The following PCDHGB5 variants were observed in gnomAD, a reference collection of about 807,000 sequenced individuals.
PCDHGB5 encodes the protein protocadherin gamma subfamily B, 5.
A neutral mutation model predicts 62.9 loss-of-function variants in PCDHGB5; 48 were observed. That is an observed-to-expected ratio of 0.76 (90% CI 0.61 to 0.97). The LOEUF (loss-of-function observed/expected upper bound fraction) is 0.97, where lower values mean the gene tolerates loss of function less well. PCDHGB5 is among the 50% of genes least tolerant of loss of function. The probability of loss-of-function intolerance (pLI) is 0.00; values close to 1 mark genes in which losing one functional copy is unlikely to be tolerated. For synonymous variants in PCDHGB5, 474 were observed against 511.2 expected, an observed-to-expected ratio of 0.93 and a Z score of 0.98; for missense variants, 1,118 against 1,198.6, an observed-to-expected ratio of 0.93 and a Z score of 0.99.
intron 2 of PCDHGB5, among the ~76,000 whole-genome samples, chr5:141,501,236 G>T (rs571684337): frequency 5.5e-4 from 83 of 150,782 alleles, no homozygotes; most frequent in African/African-American, 2.0e-3. Context: ...TCAGTTTTTT[G>T]AGCATGATGT....
chr5:141,437,388 C>T (rs1434464979), intron 1 of PCDHGB5, among the ~76,000 whole-genome samples: 1 of 152,186 alleles, frequency 6.6e-6, no homozygotes, highest in Non-Finnish European at 1.5e-5. Context: ...AGACATTCAT[C>T]CACTGCTTTC....
In PCDHGB5 at chr5:141,426,211, G is replaced by A. The variant is rs184669298; in HGVS notation, c.2397+25687G>A. On this transcript the variant is annotated intron_variant, in intron 1 of 3. Coordinates refer to ENST00000617380, the MANE Select transcript of PCDHGB5 (RefSeq NM_018925.3). ...TGGGAGCATTGAGTTTTCTATGTAT[G>A]GAAGTAAATATTTTAAAAGCACTTT... The A allele has an allele frequency of 7.7e-4, 121 of 157,870 alleles. 1 individual carries two copies. The highest frequency in any genetic ancestry group is 7.4e-4 in the South Asian group (4 of 5,398). 9.8% of individuals were successfully genotyped at this position (157,870 alleles called of 1,614,324 possible). A position where few individuals can be genotyped will look rare whatever the true frequency, so the allele number is the denominator to read the frequency against.
In PCDHGB5 at chr5:141,486,435, A is replaced by G. The variant is rs2099629501; in HGVS notation, c.2398-8372A>G. The G allele has an allele frequency of 6.2e-7, 1 of 1,614,118 alleles. No homozygotes were observed. Among genetic ancestry groups the G allele is most frequent in the Non-Finnish European group, 8.5e-7 (1 of 1,179,960 alleles). ...TTGGATCGAGAGGCCAAATCTAGCT[A>G]TGACATCATGGTCACTGCTTCTGAT... is the stretch of plus-strand genomic sequence containing the variant. On this transcript the variant is annotated intron_variant, in intron 1 of 3. Coordinates refer to ENST00000617380, the MANE Select transcript of PCDHGB5 (RefSeq NM_018925.3). This position sits in a 1 kb window ranked among gnomAD's most constrained non-coding sequence, Gnocchi z 5.0.
Position 141,400,182 on chromosome 5 carries a change from G to C in PCDHGB5, c.2055G>C (p.Gln685His), listed in dbSNP as rs754765633. The change falls in exon 1 of 4, where the codon CAG (glutamine) becomes CAC (histidine). Residue 685 changes from glutamine to histidine, a missense_variant. Transcript: ENST00000617380. ...PVPSDPQAEL[Q>H]FYLVVALALI... Reference sequence around the variant, plus strand: ...CCTCTGACCCCCAGGCTGAGCTGCAGTTTTACCTAGTGGTGGCCTTGGCCT... The same window carrying C: ...CCTCTGACCCCCAGGCTGAGCTGCACTTTTACCTAGTGGTGGCCTTGGCCT... 3.7e-6 allele frequency: 6 copies of C among 1,614,072 alleles called. No individual in the cohort carries two copies. The highest frequency in any genetic ancestry group is 5.1e-6 in the Non-Finnish European group (6 of 1,179,906).
At chr5:141,478,904 T>G in intron 1 of PCDHGB5, 1 of 958,800 alleles carries the variant, frequency 1.0e-6, no homozygotes, top group Non-Finnish European at 1.5e-6. Context: ...AGGAATAAGC[T>G]GCTGGATACC....
chr5:141,408,869 A>T, intron 1 of PCDHGB5: 1 of 1,613,690 alleles, frequency 6.2e-7, no homozygotes, highest in Non-Finnish European at 8.5e-7. Flanking sequence ...CCCACCAAGA[A>T]GTGCCACCGC....
At chr5:141,414,320 A>C (rs372261571) in intron 1 of PCDHGB5, 7 of 1,613,840 alleles carry the variant, frequency 4.3e-6, no homozygotes, top group Non-Finnish European at 5.9e-6. Flanking sequence ...GACTCTGAGC[A>C]GAATGGACAG....
At position 141,418,815 on chromosome 5, in the gene PCDHGB5, T is replaced by C. The variant is rs368396202; in HGVS notation, c.2397+18291T>C. The stretch of plus-strand genomic sequence containing the variant: ...GAAGTAGAAAGATATACGATAAACA[T>C]AGAAGCAAAAGACCGAGGATCTCTC... On this transcript the variant is annotated intron_variant, in intron 1 of 3. Transcript: ENST00000617380. 509 of 1,613,744 alleles carry C rather than the reference T, an allele frequency of 3.2e-4. No homozygotes were observed. The highest frequency in any genetic ancestry group is 4.1e-4 in the Non-Finnish European group (488 of 1,179,804).
chr5:141,420,271 A>G, intron 1 of PCDHGB5: 1 of 1,536,584 alleles, frequency 6.5e-7, no homozygotes, highest in Non-Finnish European at 8.8e-7. Flanking sequence ...AGATTCTTAA[A>G]CAGGTAAGTA....
In PCDHGB5 at chr5:141,409,552, A is replaced by C. The variant is rs777125488; in HGVS notation, c.2397+9028A>C. On this transcript the variant is annotated intron_variant, in intron 1 of 3. Transcript: ENST00000617380. ...TCGCTGACATCAACGACAACGCCCC[A>C]GTTTTCGACCAGACGTCCTACGTGG... 9 of 1,613,844 alleles carry C rather than the reference A, an allele frequency of 5.6e-6. No homozygotes were observed. The East Asian group carries it at 1.1e-4, about 20-fold the overall frequency.
rs767701229 is a variant in PCDHGB5, at chr5:141,405,417, T to TTTTTG, written c.2397+4908_2397+4912dup. 250 of 1,563,234 alleles carry TTTTTG rather than the reference T, an allele frequency of 1.6e-4. 1 individual carries two copies. Among genetic ancestry groups the TTTTTG allele is most frequent in the Admixed American group, 1.3e-4 (7 of 55,240 alleles). On this transcript the variant is annotated intron_variant, in intron 1 of 3. Coordinates refer to ENST00000617380, the MANE Select transcript of PCDHGB5 (RefSeq NM_018925.3). The stretch of plus-strand genomic sequence containing the variant: ...TTCTTTCTTTCTTTTCTTTTTTTGT[T>TTTTTG]TTTTGTTTTGTTTTGTTTTTGAGAC...
intron 1 of PCDHGB5, among the ~76,000 whole-genome samples, chr5:141,443,466 A>G (rs1402303157): frequency 6.6e-6 from 1 of 152,184 alleles, no homozygotes; most frequent in East Asian, 1.9e-4. Flanking sequence ...AGTCTGGGTG[A>G]CAGAATTAGA....
At chr5:141,443,538 G>C (rs768723399) in intron 1 of PCDHGB5, among the ~76,000 whole-genome samples, 11 of 152,118 alleles carry the variant, frequency 7.2e-5, no homozygotes. Flanking sequence ...TTTAAAGCTT[G>C]GGAAATTGTT....
At chr5:141,416,553 ACT>A (rs932477065) in intron 1 of PCDHGB5, 2 of 152,100 alleles carry the variant, frequency 1.3e-5, no homozygotes, top group Non-Finnish European at 2.9e-5. Context: ...AACACCTGAA[ACT>A]CTGAAAACTC....
chr5:141,432,476 A>G lies in PCDHGB5; in HGVS notation c.2397+31952A>G. 1 of 1,614,080 alleles carries G rather than the reference A, an allele frequency of 6.2e-7. No homozygotes were observed. Among genetic ancestry groups the G allele is most frequent in the East Asian group, 2.2e-5 (1 of 44,874 alleles). ...CCCCGCCCTCCCCACGGACGGTTCCACTGGCGTGGAGCTGGCTCCCCGCTC... is the reference window on the plus strand; with the variant it reads ...CCCCGCCCTCCCCACGGACGGTTCCGCTGGCGTGGAGCTGGCTCCCCGCTC... On this transcript the variant is annotated intron_variant, in intron 1 of 3. Transcript: ENST00000617380. The surrounding 1 kb of genome is among the most constrained non-coding windows in gnomAD (Gnocchi z 6.0).
chr5:141,426,085 C>T (rs1315114723), intron 1 of PCDHGB5, among the ~76,000 whole-genome samples: 7 of 152,148 alleles, frequency 4.6e-5, no homozygotes, highest in Non-Finnish European at 8.8e-5. Flanking sequence ...TCTACCAGGA[C>T]GATATTCTGT....
chr5:141,458,104 A>G (rs969775517), intron 1 of PCDHGB5, among the ~76,000 whole-genome samples: 6 of 152,232 alleles, frequency 3.9e-5, no homozygotes, highest in Non-Finnish European at 8.8e-5. Flanking sequence ...ACTTACAGAT[A>G]GTCTCCAAAT....
intron 1 of PCDHGB5, among the ~76,000 whole-genome samples, chr5:141,482,257 T>C (rs2099555476): frequency 1.3e-5 from 2 of 152,156 alleles, no homozygotes; most frequent in Admixed American, 1.3e-4. Context: ...ACTGTACATA[T>C]TAGTTGTTTA....
At chr5:141,409,381 G>T (rs1258881607) in intron 1 of PCDHGB5, 1 of 1,614,018 alleles carries the variant, frequency 6.2e-7, no homozygotes, top group Admixed American at 1.7e-5. Context: ...TTCCATTCAA[G>T]ATTTATTCTT....
Sources: allele counts gnomAD v4.1 joint callset (sites outside exome capture counted in the v4.1 genomes callset), GRCh38; gene constraint gnomAD v4.1.1; non-coding constraint Gnocchi (gnomAD v3.1); transcripts MANE v1.5; gene names NCBI Gene and HGNC (gene_info 2026-07-23, HGNC 2026-07-21).